The following RNF212B variants were observed in gnomAD, a reference collection of about 807,000 sequenced individuals.
RNF212B encodes E3 ubiquitin-protein ligase RNF212B.
Under a neutral mutation model 55.5 loss-of-function variants are expected in RNF212B, and 52 were observed. That is an observed-to-expected ratio of 0.94 (90% CI 0.75 to 1.18). RNF212B has a LOEUF of 1.18. Among genes scored for constraint, RNF212B ranks in the 50% most tolerant of loss-of-function variants. RNF212B has a pLI of 0.00. For synonymous variants in RNF212B, 99 were observed against 121.4 expected, an observed-to-expected ratio of 0.82 and a Z score of 1.21; for missense variants, 289 against 350.4, an observed-to-expected ratio of 0.82 and a Z score of 1.40.
intron 2 of RNF212B, among the ~76,000 whole-genome samples, chr14:23,202,417 G>A (rs193062932): frequency 6.6e-6 from 1 of 152,238 alleles, no homozygotes; most frequent in East Asian, 1.9e-4. Flanking sequence ...TACAATCTTT[G>A]ATCTTATGTG....
intron 2 of RNF212B, among the ~76,000 whole-genome samples, chr14:23,230,425 C>T (rs1417677814): frequency 2.0e-5 from 3 of 151,988 alleles, no homozygotes; most frequent in South Asian, 2.1e-4. Flanking sequence ...GAGGCCGAGG[C>T]GGGTGGATCA....
At chr14:23,240,800 C>G (rs1438965418) in intron 2 of RNF212B, among the ~76,000 whole-genome samples, 1 of 152,114 alleles carries the variant, frequency 6.6e-6, no homozygotes, top group Non-Finnish European at 1.5e-5. Context: ...AGAGCCATTT[C>G]TAAAGGGGAA....
chr14:23,193,731 C>T (rs906456174), intron 2 of RNF212B, among the ~76,000 whole-genome samples: 4 of 138,684 alleles, frequency 2.9e-5, no homozygotes, highest in African/African-American at 5.4e-5. Context: ...CATAATAACG[C>T]ATACCAGTAG....
intron 2 of RNF212B, among the ~76,000 whole-genome samples, chr14:23,221,303 A>G (rs1881556983): frequency 6.6e-6 from 1 of 152,184 alleles, no homozygotes; most frequent in African/African-American, 2.4e-5. Flanking sequence ...ATGTAAAAAG[A>G]TGTGCCATGA....
intron 2 of RNF212B, among the ~76,000 whole-genome samples, chr14:23,226,144 A>G (rs1881984741): frequency 6.6e-6 from 1 of 151,166 alleles, no homozygotes; most frequent in African/African-American, 2.4e-5. Context: ...CTAAAAATAC[A>G]AAAATTAGCA....
At chr14:23,254,288 AAAACAAAACAAAAC>A (rs1322980010) in intron 4 of RNF212B, among the ~76,000 whole-genome samples, 7 of 120,136 alleles carry the variant, frequency 5.8e-5, no homozygotes, top group Non-Finnish European at 1.2e-4. Context: ...CTTTATCTCA[AAAACAAAACAAAAC>A]AAAACAAAAC....
intron 2 of RNF212B, among the ~76,000 whole-genome samples, chr14:23,200,577 C>T (rs1005119034): frequency 4.6e-5 from 7 of 152,122 alleles, no homozygotes; most frequent in Admixed American, 1.3e-4. Context: ...CCACCCACCT[C>T]GGCCTCCCAA....
chr14:23,262,681 C>A lies in RNF212B; in HGVS notation c.451C>A (p.Pro151Thr). ...YQGSRSITPR[P>T]VGITSPSQSV... is the part of the protein sequence containing the mutation. Reference sequence around the variant, plus strand: ...CCCTTGCAGGTCAATCACACCTCGACCAGTGGGCATTACTTCCCCATCACA... The same window carrying A: ...CCCTTGCAGGTCAATCACACCTCGAACAGTGGGCATTACTTCCCCATCACA... The change falls in exon 8 of 15, where the codon CCA (proline) becomes ACA (threonine). Residue 151 changes from proline to threonine, a missense_variant. Physicochemically the swap from Pro to Thr is conservative, Grantham distance 38 (BLOSUM62 -1). Coordinates refer to ENST00000430154, the MANE Select transcript of RNF212B (RefSeq NM_001282322.3). 1 of 1,550,404 alleles carries A rather than the reference C, an allele frequency of 6.4e-7. No individual in the cohort carries two copies. Among genetic ancestry groups the A allele is most frequent in the Non-Finnish European group, 8.7e-7 (1 of 1,146,950 alleles).
intron 4 of RNF212B, among the ~76,000 whole-genome samples, chr14:23,246,761 G>A (rs946137110): frequency 1.3e-5 from 2 of 152,138 alleles, no homozygotes; most frequent in Non-Finnish European, 2.9e-5. Context: ...AAAGAATAAT[G>A]TGGAAAAGTC....
intron 4 of RNF212B, among the ~76,000 whole-genome samples, chr14:23,255,385 A>G (rs1310595358): frequency 1.3e-5 from 2 of 152,226 alleles, no homozygotes; most frequent in Non-Finnish European, 1.5e-5. Flanking sequence ...CATGAAGACC[A>G]TGATATCCTT....
chr14:23,186,281 C>T (rs1877582135), intron 1 of RNF212B, among the ~76,000 whole-genome samples: 1 of 151,974 alleles, frequency 6.6e-6, no homozygotes, highest in African/African-American at 2.4e-5. Flanking sequence ...AAAGAAAAGC[C>T]TTGGTGTAAT....
chr14:23,263,253 G>A (rs1486639321), intron 9 of RNF212B, among the ~76,000 whole-genome samples: 1 of 152,198 alleles, frequency 6.6e-6, no homozygotes, highest in African/African-American at 2.4e-5. Flanking sequence ...ACCCAATGAA[G>A]TCTTCATCTC....
intron 2 of RNF212B, among the ~76,000 whole-genome samples, chr14:23,228,388 G>A (rs1285116466): frequency 1.3e-5 from 2 of 149,988 alleles, no homozygotes; most frequent in Admixed American, 6.7e-5. Context: ...GCTTTGGGAG[G>A]CCAAGGCAGG....
chr14:23,185,651 C>T (rs1345963864), intron 1 of RNF212B, among the ~76,000 whole-genome samples: 1 of 152,122 alleles, frequency 6.6e-6, no homozygotes, highest in Non-Finnish European at 1.5e-5. Flanking sequence ...AACTAAGAAG[C>T]TAAGGGGGTT....
intron 1 of RNF212B, among the ~76,000 whole-genome samples, chr14:23,192,994 A>C (rs963687230): frequency 8.0e-5 from 12 of 149,762 alleles, no homozygotes; most frequent in African/African-American, 2.7e-4. Context: ...AGGGAGGCTG[A>C]GGCAGGAGAA....
At position 23,272,816 on chromosome 14, in the gene RNF212B, G is replaced by C; in HGVS notation, c.835-7G>C. On this transcript the variant is annotated splice_polypyrimidine_tract_variant and splice_region_variant and intron_variant, in intron 14 of 14. Coordinates refer to ENST00000430154, the MANE Select transcript of RNF212B (RefSeq NM_001282322.3). ...ACCCACATCTACCTTCTTGTCCTCT[G>C]CTGCAGACTCTCTACCAACAACGGA... is the stretch of plus-strand genomic sequence containing the variant. 1.3e-6 allele frequency: 2 copies of C among 1,545,732 alleles called. No individual in the cohort carries two copies. Among genetic ancestry groups the C allele is most frequent in the Non-Finnish European group, 1.7e-6 (2 of 1,143,164 alleles).
chr14:23,248,201 C>T lies in RNF212B; in HGVS notation c.228+3805C>T, dbSNP rs538107641. Reference sequence around the variant, plus strand: ...TGTGGCCAGTGGTGCAATCATGGCTCCCTGCAGCCTTGCCCTCTTGAGCTC... The same window carrying T: ...TGTGGCCAGTGGTGCAATCATGGCTTCCTGCAGCCTTGCCCTCTTGAGCTC... On this transcript the variant is annotated intron_variant, in intron 4 of 14. Coordinates refer to ENST00000430154, the MANE Select transcript of RNF212B (RefSeq NM_001282322.3). Among the ~76,000 whole-genome samples, 135 of 151,944 alleles carry T rather than the reference C, an allele frequency of 8.9e-4. 2 individuals are homozygous for T. The South Asian group carries it at 0.028, about 31-fold the overall frequency.
chr14:23,239,209 C>G (rs1205217065), intron 1 of RNF212B, among the ~76,000 whole-genome samples: 1 of 152,100 alleles, frequency 6.6e-6, no homozygotes, highest in Non-Finnish European at 1.5e-5. Flanking sequence ...AGGCGTGCAC[C>G]ACCACACCCA....
At chr14:23,195,252 ACT>A (rs1371522851) in intron 2 of RNF212B, among the ~76,000 whole-genome samples, 2 of 150,782 alleles carry the variant, frequency 1.3e-5, no homozygotes, top group Admixed American at 1.3e-4. Context: ...ACATAGTGAC[ACT>A]CTGTCTCTAA....
Sources: allele counts gnomAD v4.1 joint callset (sites outside exome capture counted in the v4.1 genomes callset), GRCh38; gene constraint gnomAD v4.1.1; transcripts MANE v1.5; gene names NCBI Gene and HGNC (gene_info 2026-07-23, HGNC 2026-07-21).